Variants in XBP1 observed in about 807,000 individuals in gnomAD.
XBP1 encodes X-box binding protein 1.
XBP1 carries 18 observed loss-of-function variants against 34.6 expected under a neutral mutation model. The observed-to-expected ratio is 0.52, with a 90% CI of 0.36 to 0.77. The LOEUF (loss-of-function observed/expected upper bound fraction) is 0.77, where lower values mean the gene tolerates loss of function less well. Among genes scored for constraint, XBP1 ranks in the 30% least tolerant of loss-of-function variants. XBP1 has a pLI of 0.00. For missense variants in XBP1, 422 were observed against 464.6 expected, an observed-to-expected ratio of 0.91 and a Z score of 0.84; for synonymous variants, 191 against 193.4, an observed-to-expected ratio of 0.99 and a Z score of 0.11.
chr22:28,797,474 T>TA (rs1479143713), intron 2 of XBP1, among the ~76,000 whole-genome samples: 11 of 152,142 alleles, frequency 7.2e-5, no homozygotes, highest in Non-Finnish European at 7.3e-5. Flanking sequence ...TTAATGTAGA[T>TA]ATAATTTTTT....
At position 28,799,046 on chromosome 22, in the gene XBP1, A is replaced by G; in HGVS notation, c.324+11T>C. On this transcript the variant is annotated intron_variant, in intron 2 of 5. Transcript: ENST00000344347. ...CAATGGATAAAAGAGTTTGACCTTA[A>G]GTAGTTTTACCTCTTCTTCTAAATC... 1 of 1,607,010 alleles carries G rather than the reference A, an allele frequency of 6.2e-7. No individual in the cohort carries two copies. Among genetic ancestry groups the G allele is most frequent in the Non-Finnish European group, 8.5e-7 (1 of 1,173,728 alleles).
At chr22:28,796,870 A>AT (rs1491183376) in intron 3 of XBP1, 12 of 477,168 alleles carry the variant, frequency 2.5e-5, no homozygotes, top group Admixed American at 4.1e-5. Flanking sequence ...TCATTATTAG[A>AT]TCTTAGTACT....
In XBP1 at chr22:28,796,153, C is replaced by T. The variant is rs764808821; in HGVS notation, c.493G>A (p.Ala165Thr). The T allele has an allele frequency of 1.9e-6, 3 of 1,606,884 alleles. No individual in the cohort carries two copies. The highest frequency in any genetic ancestry group is 1.7e-6 in the Non-Finnish European group (2 of 1,176,892). The stretch of plus-strand genomic sequence containing the variant: ...AGAGGTGCACGTAGTCTGAGTGCTG[C>T]GGACTCAGCAGACCCGGCCACTGGC... The change falls in exon 4 of 6, where the codon GCA (alanine) becomes ACA (threonine). Residue 165 changes from alanine to threonine, a missense_variant. Ala to Thr is a moderately conservative substitution (Grantham distance 58). Transcript: ENST00000344347.
chr22:28,798,995 C>T, intron 2 of XBP1, 62 bp downstream of exon 2: 1 of 1,357,224 alleles, frequency 7.4e-7, no homozygotes, highest in Non-Finnish European at 1.0e-6. Context: ...AAGCAAATAT[C>T]AGAACATTCA....
At chr22:28,798,052 AGATT>A (rs1455489766) in intron 2 of XBP1, among the ~76,000 whole-genome samples, 8 of 152,306 alleles carry the variant, frequency 5.3e-5, no homozygotes, top group Non-Finnish European at 8.8e-5. Flanking sequence ...CAACAATTTA[AGATT>A]GATTAACAGG....
exon 6 of XBP1, chr22:28,795,508 T>C: frequency 6.2e-7 from 1 of 1,614,258 alleles, no homozygotes; most frequent in Non-Finnish European, 8.5e-7. Flanking sequence ...AGGGTATCTC[T>C]AAGACTAGGG....
rs867016819 is a variant in XBP1, at chr22:28,797,348, G to A, written c.325-143C>T. ...TGGTGTTCATAGTAGGTTTTAAAAA[G>A]CTAGGCCATAATTATGGAAAAGCAA... On this transcript the variant is annotated intron_variant, in intron 2 of 5. Coordinates refer to ENST00000344347, the Ensembl canonical transcript of XBP1. The A allele has an allele frequency of 2.6e-4, 261 of 995,898 alleles. 1 individual carries two copies. The Middle Eastern group carries it at 2.8e-3, about 11-fold the overall frequency. The allele number at this position is 995,898 out of a possible 1,614,324, so 61.7% of individuals were successfully genotyped here.
chr22:28,799,175 C>T (rs376280693), intron 1 of XBP1, 22 bp from the exon 2 acceptor site: 2 of 1,571,818 alleles, frequency 1.3e-6, no homozygotes, highest in African/African-American at 2.7e-5. Context: ...AGGAACATAC[C>T]ACACTGAGTC....
intron 1 of XBP1, 121 bp downstream of exon 1, chr22:28,800,177 G>T: frequency 8.2e-7 from 1 of 1,223,844 alleles, no homozygotes; most frequent in Non-Finnish European, 1.1e-6. Flanking sequence ...GACCCGCCAG[G>T]CCAAAGGCGA....
rs895910526 is a variant in XBP1, at chr22:28,797,109, C to T, written c.421G>A (p.Ala141Thr). The T allele has an allele frequency of 1.9e-6, 3 of 1,612,076 alleles. No individual in the cohort carries two copies. The highest frequency in any genetic ancestry group is 1.7e-6 in the Non-Finnish European group (2 of 1,179,560). ...TCCGCCTCCTCTTCAGCAACCAGGGCATCCATCCCCAAGCGCTGTCTTAAC... is the reference window on the plus strand; with the variant it reads ...TCCGCCTCCTCTTCAGCAACCAGGGTATCCATCCCCAAGCGCTGTCTTAAC... Residue 141 changes from alanine to threonine, a missense_variant, in exon 3 of 6, where the codon GCC becomes ACC. By Grantham distance (58) the Ala-to-Thr change is moderately conservative (BLOSUM62 0). Coordinates refer to ENST00000344347, the Ensembl canonical transcript of XBP1.
intron 2 of XBP1, 166 bp downstream of exon 2, chr22:28,798,891 G>GATT (rs917724615): frequency 1.4e-5 from 8 of 562,684 alleles, no homozygotes; most frequent in Admixed American, 3.0e-5. Context: ...AAAGTGCTGG[G>GATT]ATTACAGGCA....
downstream of XBP1, chr22:28,795,002 G>C: frequency 1.9e-6 from 1 of 516,332 alleles, no homozygotes; most frequent in South Asian, 4.9e-5. Context: ...TGGACTGCTG[G>C]ATGTCAAAAG....
intron 2 of XBP1, 96 bp from the exon 3 acceptor site, chr22:28,797,301 C>G: frequency 1.4e-6 from 2 of 1,422,718 alleles, no homozygotes; most frequent in South Asian, 1.3e-5. Flanking sequence ...CCTTCTTGAA[C>G]TTTTGGAAAA....
At chr22:28,796,548 CTGA>C in intron 3 of XBP1, 1 of 193,048 alleles carries the variant, frequency 5.2e-6, no homozygotes, top group Admixed American at 5.3e-5. Flanking sequence ...GAAATTTGTC[CTGA>C]ACATTACCTT....
At chr22:28,799,763 C>G (rs138503547) in intron 1 of XBP1, among the ~76,000 whole-genome samples, 1 of 152,164 alleles carries the variant, frequency 6.6e-6, no homozygotes, top group African/African-American at 2.4e-5. Context: ...TGAACATTTA[C>G]GGAGGACTAA....
intron 2 of XBP1, 61 bp from the exon 3 acceptor site, chr22:28,797,266 T>G: frequency 6.4e-7 from 1 of 1,554,144 alleles, no homozygotes; most frequent in Non-Finnish European, 8.8e-7. Flanking sequence ...AGAATCTACC[T>G]GATTCAGTAT....
At chr22:28,796,546 T>A in intron 3 of XBP1, 1 of 194,822 alleles carries the variant, frequency 5.1e-6, no homozygotes, top group Admixed American at 5.3e-5. Context: ...TTGAAATTTG[T>A]CCTGAACATT....
At chr22:28,798,864 G>A in intron 2 of XBP1, 193 bp downstream of exon 2, 1 of 426,930 alleles carries the variant, frequency 2.3e-6, no homozygotes, top group East Asian at 3.9e-5. Context: ...CAAGTGATCT[G>A]CCCAACTCAG....
chr22:28,800,167 G>T, intron 1 of XBP1, 131 bp downstream of exon 1: 1 of 1,112,130 alleles, frequency 9.0e-7, no homozygotes, highest in South Asian at 1.5e-5. Context: ...CGCTGGCACC[G>T]ACCCGCCAGG....
Sources: gnomAD v4.1 joint callset for allele counts (sites outside exome capture counted in the v4.1 genomes callset) on GRCh38, gnomAD v4.1.1 for gene constraint, MANE v1.5 for transcripts, NCBI Gene and HGNC (gene_info 2026-07-23, HGNC 2026-07-21) for gene names.